GRID2: variants seen among roughly 807,000 people sequenced by gnomAD.
The protein encoded by GRID2 is glutamate receptor ionotropic, delta-2.
A neutral mutation model predicts 114.8 loss-of-function variants in GRID2; 33 were observed. The ratio of observed to expected loss-of-function variants is 0.29; its 90% CI spans 0.22 to 0.38. The LOEUF is 0.38. Among genes scored for constraint, GRID2 ranks in the 10% least tolerant of loss-of-function variants. The pLI is 1.00. For synonymous variants in GRID2, 505 were observed against 449.9 expected (o/e 1.12, Z -1.55); for missense variants, 1,184 against 1,257.7 (o/e 0.94, Z 0.89).
intron 2 of GRID2, among the ~76,000 whole-genome samples, chr4:92,648,977 A>G (rs867730836): frequency 2.3e-4 from 22 of 95,680 alleles, no homozygotes; most frequent in African/African-American, 7.5e-4. Context: ...GATATAGAAT[A>G]TGTAGAAATT....
intron 4 of GRID2, among the ~76,000 whole-genome samples, chr4:93,192,376 G>A (rs1412280542): frequency 6.6e-6 from 1 of 152,106 alleles, no homozygotes; most frequent in African/African-American, 2.4e-5. Context: ...ACACTTCAGT[G>A]AATAGTTTAC....
At chr4:92,656,836 T>C (rs1243875828) in intron 2 of GRID2, among the ~76,000 whole-genome samples, 4 of 151,814 alleles carry the variant, frequency 2.6e-5, no homozygotes, top group African/African-American at 9.7e-5. Context: ...TTTTATAAGA[T>C]GTGACGTAAT....
intron 1 of GRID2, among the ~76,000 whole-genome samples, chr4:92,517,949 C>A (rs1373400301): frequency 6.6e-6 from 1 of 151,814 alleles, no homozygotes; most frequent in Non-Finnish European, 1.5e-5. Context: ...TATTGTAATG[C>A]AATAACAAGA....
rs1204252597 is a variant in GRID2, at chr4:92,818,878, T to C, written c.244+228592T>C. Reference sequence around the variant, plus strand: ...GAATAATATCTTGAAGCCCAAATTATATAATTGTATCTGTAATTTATCTGC... The same window carrying C: ...GAATAATATCTTGAAGCCCAAATTACATAATTGTATCTGTAATTTATCTGC... On this transcript the variant is annotated intron_variant, in intron 2 of 15. Coordinates refer to ENST00000282020, the MANE Select transcript of GRID2 (RefSeq NM_001510.4). Among the ~76,000 whole-genome samples, 3 of 152,126 alleles carry C rather than the reference T, an allele frequency of 2.0e-5. No individual in the cohort carries two copies. In the East Asian group the frequency reaches 5.8e-4, roughly 29 times the overall value.
intron 1 of GRID2, among the ~76,000 whole-genome samples, chr4:92,545,278 G>A (rs1485841458): frequency 6.6e-6 from 1 of 152,128 alleles, no homozygotes; most frequent in African/African-American, 2.4e-5. Flanking sequence ...ATTTAGCACT[G>A]CACAATAGAG....
intron 4 of GRID2, among the ~76,000 whole-genome samples, chr4:93,149,339 G>A (rs944037086): frequency 3.3e-5 from 5 of 151,974 alleles, no homozygotes; most frequent in South Asian, 2.1e-4. Context: ...TTTGGGAGGC[G>A]GAGGCAGGTG....
At chr4:92,533,944 G>T (rs991011752) in intron 1 of GRID2, among the ~76,000 whole-genome samples, 4 of 151,616 alleles carry the variant, frequency 2.6e-5, no homozygotes, top group Non-Finnish European at 5.9e-5. Context: ...TATTAAAAAG[G>T]AAATTTAAAT....
At chr4:92,781,149 G>A (rs1038306491) in intron 2 of GRID2, among the ~76,000 whole-genome samples, 4 of 152,018 alleles carry the variant, frequency 2.6e-5, no homozygotes, top group Non-Finnish European at 1.5e-5. Context: ...GGGAGGCTGA[G>A]GCAGAAGAAT....
chr4:92,669,636 C>A (rs1455554322), intron 2 of GRID2, among the ~76,000 whole-genome samples: 1 of 151,970 alleles, frequency 6.6e-6, no homozygotes, highest in Non-Finnish European at 1.5e-5. Context: ...AGCCATTATA[C>A]ACCTATTCCA....
intron 2 of GRID2, among the ~76,000 whole-genome samples, chr4:92,918,684 C>T (rs957275714): frequency 6.6e-6 from 1 of 152,194 alleles, no homozygotes; most frequent in Non-Finnish European, 1.5e-5. Flanking sequence ...ACCAGCCTTG[C>T]ATCCCAGGGA....
At chr4:92,882,741 G>A (rs1746115109) in intron 2 of GRID2, among the ~76,000 whole-genome samples, 1 of 152,170 alleles carries the variant, frequency 6.6e-6, no homozygotes. Context: ...GCATATAAAA[G>A]TTGTGTTTAA....
intron 8 of GRID2, among the ~76,000 whole-genome samples, chr4:93,354,877 A>G (rs549613338): frequency 3.4e-5 from 5 of 148,676 alleles, no homozygotes; most frequent in Admixed American, 2.0e-4. Context: ...GACCCTAGAC[A>G]TATTGTGTTG....
chr4:93,440,380 T>A, intron 10 of GRID2, among the ~76,000 whole-genome samples: 1 of 152,048 alleles, frequency 6.6e-6, no homozygotes, highest in East Asian at 1.9e-4. Flanking sequence ...AGGGAAGCCC[T>A]TATAGAGACT....
At chr4:93,648,471 A>G (rs985503550) in intron 14 of GRID2, among the ~76,000 whole-genome samples, 4 of 152,206 alleles carry the variant, frequency 2.6e-5, no homozygotes, top group Admixed American at 1.3e-4. Flanking sequence ...AAATCTGTAC[A>G]TCCTCAAGAC....
At chr4:92,785,595 C>A (rs937145841) in intron 2 of GRID2, among the ~76,000 whole-genome samples, 2 of 151,634 alleles carry the variant, frequency 1.3e-5, no homozygotes, top group Non-Finnish European at 3.0e-5. Context: ...AAGAATTAAT[C>A]TTGATTGTTC....
rs1291597295 is a variant in GRID2 at position 92,600,032 on chromosome 4, GTGTGTGTGTGTGTATATATA to G, written c.244+9748_244+9767del. ...AGGGCAATACTTCATGTATGTGTGT[GTGTGTGTGTGTGTATATATA>G]TATATATATATATATATATATATAT... On this transcript the variant is annotated intron_variant, in intron 2 of 15. Transcript: ENST00000282020. Among the ~76,000 whole-genome samples, 203 of 73,008 alleles carry G rather than the reference GTGTGTGTGTGTGTATATATA, an allele frequency of 2.8e-3. 3 individuals carry two copies. Among genetic ancestry groups the G allele is most frequent in the South Asian group, 0.015 (31 of 2,018 alleles). 47.9% of individuals were successfully genotyped at this position (73,008 alleles called of 152,430 possible).
chr4:92,894,683 T>A (rs1398208424), intron 2 of GRID2, among the ~76,000 whole-genome samples: 1 of 152,100 alleles, frequency 6.6e-6, no homozygotes, highest in Non-Finnish European at 1.5e-5. Flanking sequence ...AAAGAACAAT[T>A]GTCTAACTGA....
chr4:92,733,731 C>T (rs1382721650), intron 2 of GRID2, among the ~76,000 whole-genome samples: 1 of 152,130 alleles, frequency 6.6e-6, no homozygotes, highest in East Asian at 1.9e-4. Context: ...ATTGCTATCA[C>T]TGAGTTAAAT....
intron 2 of GRID2, among the ~76,000 whole-genome samples, chr4:92,810,600 G>T (rs1740622706): frequency 6.6e-6 from 1 of 152,038 alleles, no homozygotes; most frequent in Non-Finnish European, 1.5e-5. Context: ...AGATATACAA[G>T]GTTGTGTGTA....
Sources: allele counts gnomAD v4.1 joint callset (sites outside exome capture counted in the v4.1 genomes callset), GRCh38; gene constraint gnomAD v4.1.1; transcripts MANE v1.5; gene names NCBI Gene and HGNC (gene_info 2026-07-23, HGNC 2026-07-21).